The following OLR1 variants were observed in gnomAD, a reference collection of about 807,000 sequenced individuals.
OLR1 encodes the protein oxidized low density lipoprotein receptor 1, also known as oxidized low-density lipoprotein receptor 1.
Under a neutral mutation model 31.7 loss-of-function variants are expected in OLR1, and 23 were observed. That is an observed-to-expected ratio of 0.72 (90% CI 0.52 to 1.03). The LOEUF (loss-of-function observed/expected upper bound fraction) is 1.03, where lower values mean the gene tolerates loss of function less well. OLR1 is among the 50% of genes least tolerant of loss of function. The probability of loss-of-function intolerance (pLI) is 0.00; values close to 1 mark genes in which losing one functional copy is unlikely to be tolerated. For missense variants in OLR1, 286 were observed against 315.7 expected (o/e 0.91, Z 0.71); for synonymous variants, 117 against 115.8 (o/e 1.01, Z -0.07).
chr12:10,159,653 C>A lies in OLR1; in HGVS notation c.*227G>T. On this transcript the variant is annotated 3_prime_UTR_variant, in exon 6 of 6. Coordinates refer to ENST00000309539, the MANE Select transcript of OLR1 (RefSeq NM_002543.4). ...AAGGGGAAAATGGACTTCAGGCTGG[C>A]AGGGAAGCTTGGGACAAGCTAGGTG... is the stretch of plus-strand genomic sequence containing the variant. The A allele has an allele frequency of 2.6e-6, 1 of 386,128 alleles. No individual in the cohort carries two copies. The highest frequency in any genetic ancestry group is 6.0e-5 in the South Asian group (1 of 16,716). The allele number at this position is 386,128 out of a possible 1,614,324, so 23.9% of individuals were successfully genotyped here. A position where few individuals can be genotyped will look rare whatever the true frequency, so the allele number is the denominator to read the frequency against.
Position 10,160,870 on chromosome 12 carries a change from C to A in OLR1, c.480G>T (p.Ser160=). The A allele has an allele frequency of 6.2e-7, 1 of 1,614,034 alleles. No homozygotes were observed. Among genetic ancestry groups the A allele is most frequent in the Non-Finnish European group, 8.5e-7 (1 of 1,179,998 alleles). The part of the protein sequence containing the change: ...WHGENCYLFS[S]GSFNWEKSQE... ...GGCTCTTTTCCCAGTTAAATGAGCC[C>A]GAGGAAAATAGGTAACAGTTTTCTC... Residue 160 remains serine (S), a synonymous_variant, in exon 4 of 6, where the codon TCG becomes TCT. Coordinates refer to ENST00000309539, the MANE Select transcript of OLR1 (RefSeq NM_002543.4).
chr12:10,172,009 T>A lies in OLR1; in HGVS notation c.69A>T (p.Lys23Asn). ...DQPDEKSNGK[K>N]AKGLQFLYSP... Reference sequence around the variant, plus strand: ...TTTTCCCATCCCTAGTACCTTTAGCTTTTTTTCCATTTGACTTCTCATCAG... The same window carrying A: ...TTTTCCCATCCCTAGTACCTTTAGCATTTTTTCCATTTGACTTCTCATCAG... The change falls in exon 1 of 6, where the codon AAA becomes AAT. Residue 23 changes from lysine to asparagine, a missense_variant. Transcript: ENST00000309539. 2 of 1,610,186 alleles carry A rather than the reference T, an allele frequency of 1.2e-6. No individual in the cohort carries two copies. The highest frequency in any genetic ancestry group is 1.7e-6 in the Non-Finnish European group (2 of 1,176,664).
At chr12:10,165,986 G>A (rs1052384644) in intron 3 of OLR1, among the ~76,000 whole-genome samples, 13 of 152,032 alleles carry the variant, frequency 8.6e-5, no homozygotes, top group Non-Finnish European at 1.6e-4. Flanking sequence ...TGAGGCAGGC[G>A]GATGACTTGA....
intron 1 of OLR1, among the ~76,000 whole-genome samples, chr12:10,171,536 C>G (rs1948717472): frequency 6.6e-6 from 1 of 152,180 alleles, no homozygotes; most frequent in Admixed American, 6.5e-5. Flanking sequence ...AGGACTCTTA[C>G]AGAAATTATC....
Position 10,158,389 on chromosome 12 carries a change from A to G in OLR1, c.*1491T>C, listed in dbSNP as rs1474361112. ...CATCAACAAGTAAATGGGTAAATGAATTGTGGTATATCCATACAAGGGAAT... is the reference window on the plus strand; with the variant it reads ...CATCAACAAGTAAATGGGTAAATGAGTTGTGGTATATCCATACAAGGGAAT... On this transcript the variant is annotated 3_prime_UTR_variant, in exon 6 of 6. Transcript: ENST00000309539. The G allele has an allele frequency of 1.3e-5, 2 of 152,228 alleles. No individual in the cohort carries two copies. Among genetic ancestry groups the G allele is most frequent in the East Asian group, 3.8e-4 (2 of 5,198 alleles). 9.4% of individuals were successfully genotyped at this position (152,228 alleles called of 1,614,324 possible).
chr12:10,170,292 G>C (rs920138676), intron 1 of OLR1: 2 of 152,114 alleles, frequency 1.3e-5, no homozygotes, highest in Admixed American at 1.3e-4. Flanking sequence ...GGATAAATAT[G>C]GTTCATCTTC....
rs1948646165 is a variant in OLR1, at chr12:10,164,650, C to G, written c.424+2062G>C. 2.0e-5 allele frequency among the ~76,000 whole-genome samples: 3 copies of G among 152,146 alleles called. No homozygotes were observed. The South Asian group carries it at 6.2e-4, about 31-fold the overall frequency. On this transcript the variant is annotated intron_variant, in intron 3 of 5. Transcript: ENST00000309539. ...AATAGGGCACTAATTTACGCACCTC[C>G]AAGGAAACAAAGTACCTCTGAATGA...
In OLR1 at chr12:10,158,892, T is replaced by C. The variant is rs957734255; in HGVS notation, c.*988A>G. ...CTGTGAAGAGTGGGTGGAAAGGAAA[T>C]AGAAGCCTAAAAATAGAAGATATAT... On this transcript the variant is annotated 3_prime_UTR_variant, in exon 6 of 6. Transcript: ENST00000309539. The C allele has an allele frequency of 3.3e-5, 5 of 152,004 alleles. No individual in the cohort carries two copies. The highest frequency in any genetic ancestry group is 2.1e-4 in the South Asian group (1 of 4,828). 9.4% of individuals were successfully genotyped at this position (152,004 alleles called of 1,614,324 possible).
upstream of OLR1, among the ~76,000 whole-genome samples, chr12:10,174,775 T>A (rs972456575): frequency 2.6e-5 from 4 of 152,244 alleles, no homozygotes; most frequent in Non-Finnish European, 4.4e-5. Context: ...ACCGTTCCAT[T>A]TTTTTGTTTC....
At chr12:10,162,464 G>C (rs2030155106) in intron 3 of OLR1, among the ~76,000 whole-genome samples, 3 of 152,188 alleles carry the variant, frequency 2.0e-5, no homozygotes. Flanking sequence ...AGACCAAGTT[G>C]AAAGCAGTCA....
At chr12:10,176,042 G>A (rs1236958846), upstream of OLR1, among the ~76,000 whole-genome samples, 1 of 152,188 alleles carries the variant, frequency 6.6e-6, no homozygotes, top group Non-Finnish European at 1.5e-5. Context: ...CTGGACATAA[G>A]CTAATGATTC....
Position 10,160,386 on chromosome 12 carries a change from G to A in OLR1, c.641C>T (p.Pro214Leu), listed in dbSNP as rs770593146. The A allele has an allele frequency of 1.2e-6, 2 of 1,613,850 alleles. No individual in the cohort carries two copies. Among genetic ancestry groups the A allele is most frequent in the East Asian group, 4.5e-5 (2 of 44,878 alleles). ...AGGAGAACCGTCCTCCCAGAGCCAT[G>A]GGTAGCTGGGGTTCCTCCGAGACAG... ...MGLSRRNPSY[P>L]WLWEDGSPLM... is the part of the protein sequence containing the mutation. Residue 214 changes from proline to leucine, a missense_variant, in exon 5 of 6, where the codon CCA becomes CTA. By Grantham distance (98) the Pro-to-Leu change is moderately conservative. Coordinates refer to ENST00000309539, the MANE Select transcript of OLR1 (RefSeq NM_002543.4).
chr12:10,167,350 G>A (rs770190660), intron 2 of OLR1: 14 of 174,058 alleles, frequency 8.0e-5, no homozygotes, highest in African/African-American at 1.4e-4. Context: ...GTGGTGGCAC[G>A]CGCCTGTAGT....
At chr12:10,169,584 A>G (rs888871359) in intron 1 of OLR1, among the ~76,000 whole-genome samples, 5 of 152,230 alleles carry the variant, frequency 3.3e-5, no homozygotes, top group Non-Finnish European at 7.3e-5. Context: ...AGTTTTTAAT[A>G]TACACCACGT....
In OLR1 at chr12:10,159,886, T is replaced by C. The variant is rs1339953580; in HGVS notation, c.816A>G (p.Ala272=). The part of the protein sequence containing the change: ...SICQKKANLR[A]Q Reference sequence around the variant, plus strand: ...TCTTCCAGAGCCTTCAAATTCACTGTGCTCTTAGGTTTGCCTTCTTCTGAC... The same window carrying C: ...TCTTCCAGAGCCTTCAAATTCACTGCGCTCTTAGGTTTGCCTTCTTCTGAC... The change falls in exon 6 of 6, where the codon GCA becomes GCG. Residue 272 remains alanine, a synonymous_variant. Coordinates refer to ENST00000309539, the MANE Select transcript of OLR1 (RefSeq NM_002543.4). 3.1e-6 allele frequency: 5 copies of C among 1,608,136 alleles called. No individual in the cohort carries two copies. In the South Asian group the frequency reaches 5.5e-5, roughly 18 times the overall value.
In OLR1 at chr12:10,158,694, G is replaced by A. The variant is rs528749641; in HGVS notation, c.*1186C>T. On this transcript the variant is annotated 3_prime_UTR_variant, in exon 6 of 6. Transcript: ENST00000309539. ...ACAAGGTGTGAAAACTTATCAAATA[G>A]TACACTTTAAATATGTTCAGTTTAT... The A allele has an allele frequency of 2.0e-5, 3 of 151,904 alleles. No individual in the cohort carries two copies. In the East Asian group the frequency reaches 5.8e-4, roughly 29 times the overall value. 9.4% of individuals were successfully genotyped at this position (151,904 alleles called of 1,614,324 possible).
chr12:10,164,246 A>C (rs1360517055), intron 3 of OLR1, among the ~76,000 whole-genome samples: 2 of 152,330 alleles, frequency 1.3e-5, no homozygotes, highest in East Asian at 3.9e-4. Flanking sequence ...TTAATAGATA[A>C]ACTTTCTCCC....
intron 3 of OLR1, among the ~76,000 whole-genome samples, chr12:10,161,944 T>TATATAA (rs1474284777): frequency 2.3e-3 from 121 of 53,166 alleles, no homozygotes; most frequent in Non-Finnish European, 3.2e-3. Context: ...TATATATATA[T>TATATAA]AAAAAACACA....
chr12:10,160,515 T>C, intron 4 of OLR1, 53 bp from the exon 5 acceptor site: 1 of 1,409,414 alleles, frequency 7.1e-7, no homozygotes. Flanking sequence ...GGTTTTAGAA[T>C]CTGAAAGTCA....
Sources: allele counts gnomAD v4.1 joint callset (sites outside exome capture counted in the v4.1 genomes callset), GRCh38; gene constraint gnomAD v4.1.1; transcripts MANE v1.5; gene names NCBI Gene and HGNC (gene_info 2026-07-23, HGNC 2026-07-21).